The following CDIN1 variants were observed in gnomAD, a reference collection of about 807,000 sequenced individuals.
CDIN1 encodes CDAN1 interacting nuclease 1.
A neutral mutation model predicts 45.3 loss-of-function variants in CDIN1; 33 were observed. The observed-to-expected ratio is 0.73, with a 90% CI of 0.55 to 0.97. The LOEUF (loss-of-function observed/expected upper bound fraction) is 0.97. Ranked by LOEUF, CDIN1 falls within the 50% of genes least tolerant of loss-of-function variation. CDIN1 has a pLI of 0.00. For missense variants in CDIN1, 303 were observed against 339.4 expected (o/e 0.89, Z 0.84); for synonymous variants, 118 against 124.4 (o/e 0.95, Z 0.34).
intron 5 of CDIN1, among the ~76,000 whole-genome samples, chr15:36,669,487 G>A (rs1429675759): frequency 1.3e-5 from 2 of 152,044 alleles, no homozygotes; most frequent in African/African-American, 4.8e-5. Context: ...AGTACAGAGA[G>A]TTCTGCCTAT....
chr15:36,707,161 A>G (rs762876001), intron 8 of CDIN1: 2 of 152,176 alleles, frequency 1.3e-5, no homozygotes, highest in Non-Finnish European at 2.9e-5. Flanking sequence ...AGCATTTTAC[A>G]TGTTTGGCAT....
rs1167920332 is a variant in CDIN1, at chr15:36,808,710, T to G, written c.*257T>G. ...ATTTCTGTCTCTGTCAAACAATTAG[T>G]TTATAGATAGTCATAATCTTTCTTT... On this transcript the variant is annotated 3_prime_UTR_variant, in exon 11 of 11. Coordinates refer to ENST00000566621, the MANE Select transcript of CDIN1 (RefSeq NM_001321759.2). 1 of 519,220 alleles carries G rather than the reference T, an allele frequency of 1.9e-6. No individual in the cohort carries two copies. Among genetic ancestry groups the G allele is most frequent in the African/African-American group, 1.9e-5 (1 of 52,024 alleles). The allele number at this position is 519,220 out of a possible 1,614,324, so 32.2% of individuals were successfully genotyped here. A position where few individuals can be genotyped will look rare whatever the true frequency, so the allele number is the denominator to read the frequency against.
intron 10 of CDIN1, among the ~76,000 whole-genome samples, chr15:36,788,098 ATATATATATTTTTTT>A (rs1471615524): frequency 1.8e-4 from 6 of 34,046 alleles, no homozygotes; most frequent in Admixed American, 1.2e-3. Context: ...ATATATATAT[ATATATATATTTTTTT>A]TTTTTTTTTT....
At position 36,729,476 on chromosome 15, in the gene CDIN1, C is replaced by G. The variant is rs530753664; in HGVS notation, c.716+19515C>G. On this transcript the variant is annotated intron_variant, in intron 10 of 10. Transcript: ENST00000566621. Reference sequence around the variant, plus strand: ...TCTTTCTAGCCTGTCTTTTGATTAGCATGGCCTCATCCATCACTGGTCTTT... The same window carrying G: ...TCTTTCTAGCCTGTCTTTTGATTAGGATGGCCTCATCCATCACTGGTCTTT... Among the ~76,000 whole-genome samples the G allele has an allele frequency of 1.1e-4, 17 of 152,274 alleles. No individual in the cohort carries two copies. The South Asian group carries it at 3.3e-3, about 30-fold the overall frequency.
chr15:36,731,892 T>G (rs1180554533), intron 10 of CDIN1, among the ~76,000 whole-genome samples: 1 of 152,188 alleles, frequency 6.6e-6, no homozygotes, highest in African/African-American at 2.4e-5. Flanking sequence ...ATTTATAAAC[T>G]TGGGATTTCT....
rs569506409 is a variant in CDIN1, at chr15:36,622,935, T to C, written c.102-21343T>C. Among the ~76,000 whole-genome samples the C allele has an allele frequency of 5.3e-5, 8 of 152,350 alleles. 1 individual carries two copies. In the South Asian group the frequency reaches 6.2e-4, roughly 12 times the overall value. On this transcript the variant is annotated intron_variant, in intron 1 of 10. Coordinates refer to ENST00000566621, the MANE Select transcript of CDIN1 (RefSeq NM_001321759.2). Reference sequence around the variant, plus strand: ...GAAAATTGAAGCTTCTTATATCAAATTCAGCCATTTCTAAATATTGAGACA... The same window carrying C: ...GAAAATTGAAGCTTCTTATATCAAACTCAGCCATTTCTAAATATTGAGACA...
At chr15:36,791,734 T>G (rs1474264758) in intron 10 of CDIN1, among the ~76,000 whole-genome samples, 1 of 152,182 alleles carries the variant, frequency 6.6e-6, no homozygotes, top group Non-Finnish European at 1.5e-5. Flanking sequence ...CAACAAGTGT[T>G]TCTTTTAAAA....
chr15:36,590,745 T>C (rs1329174938), intron 1 of CDIN1, among the ~76,000 whole-genome samples: 1 of 152,216 alleles, frequency 6.6e-6, no homozygotes, highest in East Asian at 1.9e-4. Context: ...TTCTGTTACA[T>C]GAAATAGGAG....
At chr15:36,686,898 AGAGG>A (rs1272899417) in intron 5 of CDIN1, among the ~76,000 whole-genome samples, 1 of 107,978 alleles carries the variant, frequency 9.3e-6, no homozygotes, top group Non-Finnish European at 1.9e-5. Flanking sequence ...TGGGAGAGAG[AGAGG>A]GAGGGAGAGA....
chr15:36,617,536 C>G (rs1397201329), intron 1 of CDIN1: 1 of 819,826 alleles, frequency 1.2e-6, no homozygotes, highest in Non-Finnish European at 2.2e-6. Flanking sequence ...GGATAGTGAT[C>G]AGTTCATCCC....
intron 10 of CDIN1, among the ~76,000 whole-genome samples, chr15:36,784,909 T>C (rs949121635): frequency 6.6e-6 from 1 of 152,178 alleles, no homozygotes; most frequent in African/African-American, 2.4e-5. Flanking sequence ...CCTGTTGATT[T>C]TGTGGTATGG....
chr15:36,675,910 G>A (rs1036931893), intron 5 of CDIN1, among the ~76,000 whole-genome samples: 3 of 151,998 alleles, frequency 2.0e-5, no homozygotes, highest in African/African-American at 4.8e-5. Context: ...CCTGTACCTC[G>A]CCTTCGTTGC....
At chr15:36,772,769 C>G (rs1223558133) in intron 10 of CDIN1, among the ~76,000 whole-genome samples, 1 of 151,990 alleles carries the variant, frequency 6.6e-6, no homozygotes, top group Non-Finnish European at 1.5e-5. Context: ...GCACCATGCT[C>G]TGATAGGATC....
intron 1 of CDIN1, among the ~76,000 whole-genome samples, chr15:36,625,150 G>A (rs1450849150): frequency 1.2e-4 from 18 of 151,608 alleles, no homozygotes; most frequent in East Asian, 1.9e-4. Context: ...GTGTGGTGGC[G>A]GGCACCTGTA....
At chr15:36,698,674 CA>C (rs1159755132) in intron 8 of CDIN1, among the ~76,000 whole-genome samples, 8 of 152,288 alleles carry the variant, frequency 5.3e-5, no homozygotes, top group African/African-American at 1.9e-4. Context: ...GCCTATATGT[CA>C]TGGCCAAGTC....
chr15:36,617,736 G>T, intron 1 of CDIN1: 1 of 798,360 alleles, frequency 1.3e-6, no homozygotes. Flanking sequence ...GGAAGTGAAA[G>T]CTTTGTTCAA....
chr15:36,724,171 C>T (rs920936393), intron 10 of CDIN1, among the ~76,000 whole-genome samples: 2 of 152,104 alleles, frequency 1.3e-5, no homozygotes, highest in Admixed American at 6.6e-5. Flanking sequence ...TAGGACCTAA[C>T]TTTAGGATGG....
chr15:36,799,037 A>G (rs2054917205), intron 10 of CDIN1: 2 of 152,192 alleles, frequency 1.3e-5, no homozygotes, highest in South Asian at 4.1e-4. Flanking sequence ...CAAACACTAA[A>G]TCAGCTGAAA....
At chr15:36,619,196 G>A (rs899900552) in intron 1 of CDIN1, 17 of 1,300,884 alleles carry the variant, frequency 1.3e-5, no homozygotes, top group East Asian at 1.1e-4. Flanking sequence ...CAGTTTAGTC[G>A]TAGGGCTATA....
Sources: gnomAD v4.1 joint callset for allele counts (sites outside exome capture counted in the v4.1 genomes callset) on GRCh38, gnomAD v4.1.1 for gene constraint, MANE v1.5 for transcripts, NCBI Gene and HGNC (gene_info 2026-07-23, HGNC 2026-07-21) for gene names.